Variants in OPCML observed in about 807,000 individuals in gnomAD.
OPCML encodes the protein opioid binding protein/cell adhesion molecule like, also known as opioid-binding protein/cell adhesion molecule.
In OPCML, 13 loss-of-function variants were observed where a neutral mutation model predicts 37.8. The ratio of observed to expected loss-of-function variants is 0.34; its 90% CI spans 0.22 to 0.55. The LOEUF (loss-of-function observed/expected upper bound fraction) is 0.55, where lower values mean the gene tolerates loss of function less well. OPCML is among the 20% of genes least tolerant of loss of function. The pLI is 0.91. For missense variants in OPCML, 341 were observed against 435.6 expected, an observed-to-expected ratio of 0.78 and a Z score of 1.93; for synonymous variants, 176 against 168.8, an observed-to-expected ratio of 1.04 and a Z score of -0.33.
At chr11:132,811,896 A>C (rs1478185908) in intron 2 of OPCML, among the ~76,000 whole-genome samples, 1 of 152,230 alleles carries the variant, frequency 6.6e-6, no homozygotes, top group Non-Finnish European at 1.5e-5. Context: ...TGTTCACAGG[A>C]CTAAATGAAC....
At chr11:133,258,613 C>G (rs1236052078) in intron 1 of OPCML, among the ~76,000 whole-genome samples, 2 of 152,146 alleles carry the variant, frequency 1.3e-5, no homozygotes, top group Non-Finnish European at 2.9e-5. Flanking sequence ...ACTTAGAGGT[C>G]ACAGTTGCCA....
In OPCML at chr11:133,212,932, C is replaced by T. The variant is rs1939426719; in HGVS notation, c.62-269922G>A. On this transcript the variant is annotated intron_variant, in intron 1 of 7. Transcript: ENST00000524381. This position sits in a 1 kb window ranked among gnomAD's most constrained non-coding sequence, Gnocchi z 4.9. Reference sequence around the variant, plus strand: ...CATCAAGCTTTTATGTCTGGTGGTACCTCAAAAGCTCCAAACAATTATGTT... The same window carrying T: ...CATCAAGCTTTTATGTCTGGTGGTATCTCAAAAGCTCCAAACAATTATGTT... Among the ~76,000 whole-genome samples the T allele has an allele frequency of 6.6e-6, 1 of 152,126 alleles. No individual in the cohort carries two copies. The highest frequency in any genetic ancestry group is 2.4e-5 in the African/African-American group (1 of 41,418).
At chr11:133,405,876 A>T (rs962895269) in intron 1 of OPCML, among the ~76,000 whole-genome samples, 1 of 152,196 alleles carries the variant, frequency 6.6e-6, no homozygotes, top group African/African-American at 2.4e-5. Context: ...TTCATACTCA[A>T]AACAAAACTT....
Position 132,596,040 on chromosome 11 carries a change from A to T in OPCML, c.379+61047T>A, listed in dbSNP as rs553276879. ...AATCAGTTAGATCTGGATACTGTCC[A>T]GACTCCACCACTTGGCTGTGTGACA... On this transcript the variant is annotated intron_variant, in intron 3 of 7. Coordinates refer to ENST00000524381, the MANE Select transcript of OPCML (RefSeq NM_001012393.5). Among the ~76,000 whole-genome samples, 39 of 152,304 alleles carry T rather than the reference A, an allele frequency of 2.6e-4. No individual in the cohort carries two copies. In the South Asian group the frequency reaches 7.9e-3, roughly 31 times the overall value.
At chr11:132,815,312 T>G (rs1939569704) in intron 2 of OPCML, among the ~76,000 whole-genome samples, 1 of 152,194 alleles carries the variant, frequency 6.6e-6, no homozygotes, top group African/African-American at 2.4e-5. Context: ...CGCTGAATAT[T>G]TGCAGAATTC....
intron 2 of OPCML, among the ~76,000 whole-genome samples, chr11:132,837,639 C>T (rs1941093457): frequency 6.6e-6 from 1 of 152,132 alleles, no homozygotes; most frequent in Non-Finnish European, 1.5e-5. Flanking sequence ...GTGCAGGGGA[C>T]AGGTGTGCAC....
chr11:132,884,864 T>C (rs1456074753), intron 2 of OPCML, among the ~76,000 whole-genome samples: 1 of 152,190 alleles, frequency 6.6e-6, no homozygotes, highest in Non-Finnish European at 1.5e-5. Context: ...TTGTGACACA[T>C]CATTTAAAAA....
chr11:132,490,642 C>T (rs987667096), intron 4 of OPCML, among the ~76,000 whole-genome samples: 14 of 151,896 alleles, frequency 9.2e-5, no homozygotes, highest in African/African-American at 3.4e-4. Flanking sequence ...CACAGTGAAA[C>T]CCCGTCTCTA....
At chr11:132,579,383 ATATG>A (rs1019052503) in intron 3 of OPCML, among the ~76,000 whole-genome samples, 7 of 101,202 alleles carry the variant, frequency 6.9e-5, no homozygotes, top group Non-Finnish European at 1.1e-4. Context: ...GTTAGAATGA[ATATG>A]TGTGTGTGTG....
intron 7 of OPCML, among the ~76,000 whole-genome samples, chr11:132,430,328 A>T (rs916842561): frequency 1.3e-5 from 2 of 152,098 alleles, no homozygotes; most frequent in Admixed American, 1.3e-4. Context: ...AGCGGCGATG[A>T]GGGCTCTGCC....
At chr11:133,274,190 G>T (rs932111096) in intron 1 of OPCML, among the ~76,000 whole-genome samples, 1 of 152,108 alleles carries the variant, frequency 6.6e-6, no homozygotes, top group Non-Finnish European at 1.5e-5. Context: ...ACTTGTCATG[G>T]GTTGAATTGT....
chr11:133,045,137 ACCCC>A (rs1018636172), intron 1 of OPCML, among the ~76,000 whole-genome samples: 1 of 151,624 alleles, frequency 6.6e-6, no homozygotes, highest in Non-Finnish European at 1.5e-5. Context: ...CCTCACACAT[ACCCC>A]CGGCTCTGCT....
intron 2 of OPCML, among the ~76,000 whole-genome samples, chr11:132,782,925 A>ATATATATATATATATG (rs1555188325): frequency 0.019 from 2,781 of 144,608 alleles, 48 homozygotes; most frequent in Middle Eastern, 0.029. Flanking sequence ...GTGTATATAT[A>ATATATATATATATATG]TATATATATA....
chr11:132,886,354 C>A (rs966303126), intron 2 of OPCML, among the ~76,000 whole-genome samples: 1 of 152,156 alleles, frequency 6.6e-6, no homozygotes, highest in South Asian at 2.1e-4. Context: ...TGGGTGGGGG[C>A]GGCTTGCCCC....
At chr11:133,368,185 G>A (rs1944590510) in intron 1 of OPCML, among the ~76,000 whole-genome samples, 1 of 151,576 alleles carries the variant, frequency 6.6e-6, no homozygotes, top group Non-Finnish European at 1.5e-5. Flanking sequence ...GCGAAAGGGA[G>A]GGGGAGAGGG....
At chr11:133,226,334 GTA>G (rs763674686) in intron 1 of OPCML, among the ~76,000 whole-genome samples, 8 of 152,186 alleles carry the variant, frequency 5.3e-5, no homozygotes, top group Non-Finnish European at 8.8e-5. Context: ...GCCGTGATTC[GTA>G]TTTATGGTTT....
At chr11:132,878,012 C>A (rs1943084068) in intron 2 of OPCML, among the ~76,000 whole-genome samples, 2 of 152,150 alleles carry the variant, frequency 1.3e-5, no homozygotes, top group Non-Finnish European at 2.9e-5. Flanking sequence ...GAAACCCCGT[C>A]TCTACTAAAA....
At chr11:133,438,611 T>C (rs1946293321) in intron 1 of OPCML, among the ~76,000 whole-genome samples, 1 of 152,218 alleles carries the variant, frequency 6.6e-6, no homozygotes, top group Non-Finnish European at 1.5e-5. Flanking sequence ...TTGCACCTTA[T>C]TCCCCATAAT....
At chr11:132,931,151 C>CAA (rs143769058) in intron 2 of OPCML, among the ~76,000 whole-genome samples, 37 of 144,486 alleles carry the variant, frequency 2.6e-4, no homozygotes, top group African/African-American at 5.6e-4. Context: ...ACACCATATA[C>CAA]AAAAAAAAAA....
Sources: gnomAD v4.1 joint callset for allele counts (sites outside exome capture counted in the v4.1 genomes callset) on GRCh38, gnomAD v4.1.1 for gene constraint, Gnocchi (gnomAD v3.1) non-coding constraint, MANE v1.5 for transcripts, NCBI Gene and HGNC (gene_info 2026-07-23, HGNC 2026-07-21) for gene names.